Variants in MGLL observed in about 807,000 individuals in gnomAD.
MGLL encodes the protein lysophospholipase homolog.
MGLL carries 7 observed loss-of-function variants against 29.1 expected under a neutral mutation model. The observed-to-expected ratio is 0.24, with a 90% CI of 0.14 to 0.45. The LOEUF is 0.45. MGLL is among the 20% of genes least tolerant of loss of function. The pLI is 0.99. For missense variants in MGLL, 356 were observed against 413.6 expected, an observed-to-expected ratio of 0.86 and a Z score of 1.21; for synonymous variants, 148 against 168.3, an observed-to-expected ratio of 0.88 and a Z score of 0.93.
intron 3 of MGLL, among the ~76,000 whole-genome samples, chr3:127,747,278 C>T (rs889523969): frequency 1.3e-5 from 2 of 152,134 alleles, no homozygotes; most frequent in African/African-American, 4.8e-5. Context: ...CTGGGCCTTG[C>T]ACACACACCT....
chr3:127,775,745 G>A lies in MGLL; in HGVS notation c.262+6044C>T, dbSNP rs112056796. On this transcript the variant is annotated intron_variant, in intron 3 of 7. Transcript: ENST00000265052. ...CAAGTGCTCCTGGAGCCGAGAGTGC[G>A]TGTTAGGAAGTCAGGAGGCTGCTCC... Among the ~76,000 whole-genome samples, 81 of 152,344 alleles carry A rather than the reference G, an allele frequency of 5.3e-4. 1 individual carries two copies. The Middle Eastern group carries it at 0.01, about 19-fold the overall frequency.
chr3:127,801,788 T>C (rs2077483884), intron 2 of MGLL, among the ~76,000 whole-genome samples: 1 of 148,092 alleles, frequency 6.8e-6, no homozygotes, highest in African/African-American at 2.4e-5. Flanking sequence ...AATAATATAA[T>C]AAATATATCA....
intron 3 of MGLL, among the ~76,000 whole-genome samples, chr3:127,765,993 T>A (rs946142887): frequency 6.6e-6 from 1 of 152,170 alleles, no homozygotes; most frequent in Non-Finnish European, 1.5e-5. Context: ...GCTAAGACAT[T>A]CATTTAATCT....
At chr3:127,700,572 G>A (rs893456388) in intron 6 of MGLL, among the ~76,000 whole-genome samples, 5 of 152,182 alleles carry the variant, frequency 3.3e-5, no homozygotes, top group Non-Finnish European at 5.9e-5. Context: ...TGGCCTGCAC[G>A]GTGGCTGGCA....
At chr3:127,695,268 T>C in intron 6 of MGLL, 78 bp from the exon 7 acceptor site, 1 of 1,435,106 alleles carries the variant, frequency 7.0e-7, no homozygotes. Context: ...CTGGTAGCTT[T>C]TCCTTCTGCT....
At chr3:127,733,881 C>G (rs1386658008) in intron 3 of MGLL, among the ~76,000 whole-genome samples, 1 of 152,178 alleles carries the variant, frequency 6.6e-6, no homozygotes, top group Non-Finnish European at 1.5e-5. Context: ...GCAGCTGCAC[C>G]TGGGTGGGTG....
chr3:127,791,804 C>G (rs182312247), intron 2 of MGLL, among the ~76,000 whole-genome samples: 2 of 152,200 alleles, frequency 1.3e-5, no homozygotes, highest in Non-Finnish European at 2.9e-5. Flanking sequence ...GGAGTAGTGA[C>G]TTAAACCTGT....
rs970837279 is a variant in MGLL at position 127,693,368 on chromosome 3, C to T, written c.817-1045G>A. 8.5e-5 allele frequency among the ~76,000 whole-genome samples: 13 copies of T among 152,326 alleles called. No individual in the cohort carries two copies. In the East Asian group the frequency reaches 9.6e-4, roughly 11 times the overall value. On this transcript the variant is annotated intron_variant, in intron 7 of 7. Transcript: ENST00000265052. The stretch of plus-strand genomic sequence containing the variant: ...TGCTTTTAAAATGAAAATCACAGCA[C>T]GTCACTCCTTGGCTTGAAATGCTCA...
intron 3 of MGLL, among the ~76,000 whole-genome samples, chr3:127,756,828 G>A (rs1385601943): frequency 6.6e-6 from 1 of 152,300 alleles, no homozygotes; most frequent in African/African-American, 2.4e-5. Context: ...AAAAGTGATT[G>A]CCTGCATGCT....
intron 6 of MGLL, among the ~76,000 whole-genome samples, chr3:127,708,894 G>A (rs973156578): frequency 6.6e-6 from 1 of 152,210 alleles, no homozygotes; most frequent in Non-Finnish European, 1.5e-5. Context: ...TGTAAAACAG[G>A]AAACAGAGCT....
chr3:127,786,180 G>C (rs1051037351), intron 2 of MGLL, among the ~76,000 whole-genome samples: 1 of 152,210 alleles, frequency 6.6e-6, no homozygotes. Context: ...GACCTGATCT[G>C]ACTTCAGCTT....
At chr3:127,814,057 T>G (rs1290872062) in intron 2 of MGLL, among the ~76,000 whole-genome samples, 1 of 151,522 alleles carries the variant, frequency 6.6e-6, no homozygotes, top group Non-Finnish European at 1.5e-5. Context: ...CCTCCCACTC[T>G]CCCTTCCTCT....
chr3:127,756,164 G>A (rs969358836), intron 3 of MGLL, among the ~76,000 whole-genome samples: 1 of 152,172 alleles, frequency 6.6e-6, no homozygotes, highest in African/African-American at 2.4e-5. Flanking sequence ...GTGCTCTAAG[G>A]GTTGGGGAGC....
At chr3:127,746,909 T>C (rs760702856) in intron 3 of MGLL, among the ~76,000 whole-genome samples, 1 of 152,084 alleles carries the variant, frequency 6.6e-6, no homozygotes, top group Non-Finnish European at 1.5e-5. Flanking sequence ...TGAATTTTCC[T>C]CAGGGGACGG....
chr3:127,815,485 C>T (rs766037597), intron 2 of MGLL, among the ~76,000 whole-genome samples: 11 of 152,226 alleles, frequency 7.2e-5, no homozygotes, highest in Non-Finnish European at 1.2e-4. Flanking sequence ...TGCTAACACG[C>T]GGTGCTACGT....
intron 3 of MGLL, among the ~76,000 whole-genome samples, chr3:127,732,679 C>T (rs2076172460): frequency 6.6e-6 from 1 of 152,212 alleles, no homozygotes; most frequent in African/African-American, 2.4e-5. Context: ...CCAGCACCTG[C>T]AGATGTGCAA....
intron 2 of MGLL, among the ~76,000 whole-genome samples, chr3:127,819,251 G>C (rs190855909): frequency 6.6e-6 from 1 of 152,272 alleles, no homozygotes; most frequent in East Asian, 1.9e-4. Context: ...GGTCCTCTGG[G>C]GGCAATATGT....
At chr3:127,737,605 GAC>G (rs1416551749) in intron 3 of MGLL, among the ~76,000 whole-genome samples, 1 of 141,400 alleles carries the variant, frequency 7.1e-6, no homozygotes, top group East Asian at 2.2e-4. Context: ...CCACCTCCAG[GAC>G]ACAGTGAAAT....
intron 2 of MGLL, among the ~76,000 whole-genome samples, chr3:127,801,302 CA>C (rs1167832631): frequency 0.054 from 2,992 of 55,034 alleles, 99 homozygotes; most frequent in African/African-American, 0.17. Flanking sequence ...AACTCCATCT[CA>C]AAAAAAAAAA....
Sources: gnomAD v4.1 joint callset for allele counts (sites outside exome capture counted in the v4.1 genomes callset) on GRCh38, gnomAD v4.1.1 for gene constraint, MANE v1.5 for transcripts, NCBI Gene and HGNC (gene_info 2026-07-23, HGNC 2026-07-21) for gene names.